The following FAT3 variants were observed in gnomAD, a reference collection of about 807,000 sequenced individuals.
FAT3 encodes FAT atypical cadherin 3.
A neutral mutation model predicts 310.2 loss-of-function variants in FAT3; 95 were observed. The ratio of observed to expected loss-of-function variants is 0.31; its 90% confidence interval spans 0.26 to 0.36. The LOEUF is 0.36. Among genes scored for constraint, FAT3 ranks in the 10% least tolerant of loss-of-function variants. The pLI, the probability that FAT3 is intolerant of heterozygous loss-of-function variation, is 1.00. For missense variants in FAT3, 5,408 were observed against 5,715.6 expected (o/e 0.95, Z 1.74); for synonymous variants, 2,314 against 2,192.9 (o/e 1.06, Z -1.54).
intron 2 of FAT3, among the ~76,000 whole-genome samples, chr11:92,505,674 G>A (rs771121644): frequency 6.6e-6 from 1 of 152,026 alleles, no homozygotes; most frequent in Admixed American, 6.6e-5. Context: ...CTAACTAGGT[G>A]TTTGTTTGTT....
In FAT3 at chr11:92,800,112, A is replaced by C. The variant is rs1168398833; in HGVS notation, c.7099A>C (p.Ile2367Leu). 6.2e-7 allele frequency: 1 copy of C among 1,613,978 alleles called. No homozygotes were observed. The highest frequency in any genetic ancestry group is 8.5e-7 in the Non-Finnish European group (1 of 1,179,870). ...VQHCTLKVRSIDSGFPSLSSE... is the reference protein window; with the variant it reads ...VQHCTLKVRSLDSGFPSLSSE... ...ACACTGCACTTTGAAAGTCAGATCA[A>C]TAGATAGTGGCTTCCCATCACTGAG... The change falls in exon 10 of 28, where the codon ATA becomes CTA. Residue 2367 changes from isoleucine (I) to leucine (L), a missense_variant. By Grantham distance (5) the Ile-to-Leu change is conservative. Coordinates refer to ENST00000525166, the MANE Select transcript of FAT3 (RefSeq NM_001367949.2).
At position 92,767,968 on chromosome 11, in the gene FAT3, A is replaced by C. The variant is rs922798928; in HGVS notation, c.4195+2879A>C. ...GGCCACGGCAACCTACACACTATGCACCTTTGACAAAATAGAAACATCATT... is the reference window on the plus strand; with the variant it reads ...GGCCACGGCAACCTACACACTATGCCCCTTTGACAAAATAGAAACATCATT... On this transcript the variant is annotated intron_variant, in intron 6 of 27. Transcript: ENST00000525166. 4.6e-5 allele frequency among the ~76,000 whole-genome samples: 7 copies of C among 152,212 alleles called. No homozygotes were observed. The East Asian group carries it at 1.4e-3, about 30-fold the overall frequency.
At chr11:92,536,436 G>C (rs1459094948) in intron 3 of FAT3, among the ~76,000 whole-genome samples, 1 of 152,134 alleles carries the variant, frequency 6.6e-6, no homozygotes, top group Non-Finnish European at 1.5e-5. Context: ...TTGGCCATGT[G>C]ATGTTGGGCA....
At position 92,666,936 on chromosome 11, in the gene FAT3, G is replaced by A. The variant is rs1486496966; in HGVS notation, c.3608-30448G>A. 2.6e-5 allele frequency among the ~76,000 whole-genome samples: 4 copies of A among 152,132 alleles called. 1 individual carries two copies. Among genetic ancestry groups the A allele is most frequent in the Non-Finnish European group, 5.9e-5 (4 of 68,024 alleles). ...CACATGGTTGTGCCTATGCTGCAAG[G>A]CATAATCATGTGAGTAACCCCAGCC... On this transcript the variant is annotated intron_variant, in intron 3 of 27. Coordinates refer to ENST00000525166, the MANE Select transcript of FAT3 (RefSeq NM_001367949.2).
At chr11:92,824,281 C>T (rs1948047254) in intron 13 of FAT3, among the ~76,000 whole-genome samples, 1 of 152,054 alleles carries the variant, frequency 6.6e-6, no homozygotes, top group South Asian at 2.1e-4. Flanking sequence ...CGCTTGAACC[C>T]AGGAGGCAGA....
At chr11:92,585,427 G>T (rs111734243) in intron 3 of FAT3, among the ~76,000 whole-genome samples, 2 of 152,138 alleles carry the variant, frequency 1.3e-5, no homozygotes, top group African/African-American at 4.8e-5. Flanking sequence ...GTTTGTCTAG[G>T]CTCACTAGTG....
chr11:92,577,077 G>A (rs548016761), intron 3 of FAT3, among the ~76,000 whole-genome samples: 32 of 152,014 alleles, frequency 2.1e-4, no homozygotes, highest in African/African-American at 7.7e-4. Flanking sequence ...TGTATTATGT[G>A]TCAGGCATTA....
At chr11:92,865,433 C>T (rs1274759375) in intron 21 of FAT3, among the ~76,000 whole-genome samples, 1 of 152,086 alleles carries the variant, frequency 6.6e-6, no homozygotes, top group Non-Finnish European at 1.5e-5. Context: ...ATTTCCTTTC[C>T]TTTTCTTTTT....
intron 1 of FAT3, among the ~76,000 whole-genome samples, chr11:92,323,275 G>T (rs1028206859): frequency 2.0e-5 from 3 of 151,874 alleles, no homozygotes; most frequent in African/African-American, 7.3e-5. Context: ...TTGAAACAGG[G>T]TCTTGCTCTG....
chr11:92,457,749 C>T lies in FAT3; in HGVS notation c.3293-66885C>T, dbSNP rs1410058423. 3.3e-5 allele frequency among the ~76,000 whole-genome samples: 5 copies of T among 151,942 alleles called. No homozygotes were observed. In the East Asian group the frequency reaches 5.8e-4, roughly 18 times the overall value. On this transcript the variant is annotated intron_variant, in intron 2 of 27. Transcript: ENST00000525166. ...CCAGCCTGACCAATATGGTGAAACCCGTCTCTACTCAAGAGTACAAAAATT... is the reference window on the plus strand; with the variant it reads ...CCAGCCTGACCAATATGGTGAAACCTGTCTCTACTCAAGAGTACAAAAATT...
At chr11:92,863,080 C>A (rs947343814) in intron 21 of FAT3, among the ~76,000 whole-genome samples, 4 of 152,118 alleles carry the variant, frequency 2.6e-5, no homozygotes, top group Non-Finnish European at 4.4e-5. Flanking sequence ...CTATTAATGG[C>A]AGCCTTAAAA....
chr11:92,587,658 C>T (rs893059750), intron 3 of FAT3, among the ~76,000 whole-genome samples: 2 of 151,794 alleles, frequency 1.3e-5, no homozygotes, highest in African/African-American at 4.8e-5. Flanking sequence ...TCAGGCTGTA[C>T]CATGGTGTCT....
intron 2 of FAT3, among the ~76,000 whole-genome samples, chr11:92,374,685 C>T (rs1249971082): frequency 5.3e-5 from 8 of 152,244 alleles, no homozygotes; most frequent in African/African-American, 1.9e-4. Context: ...AATCAAAAGT[C>T]GTGGTGTAAA....
At chr11:92,442,111 A>ATATATATATTTTT (rs1453396603) in intron 2 of FAT3, among the ~76,000 whole-genome samples, 1 of 45,218 alleles carries the variant, frequency 2.2e-5, no homozygotes, top group African/African-American at 1.8e-4. Flanking sequence ...ATATATATAT[A>ATATATATATTTTT]TTTTTTTTTT....
At chr11:92,466,882 T>C (rs1278533031) in intron 2 of FAT3, among the ~76,000 whole-genome samples, 1 of 151,750 alleles carries the variant, frequency 6.6e-6, no homozygotes, top group Non-Finnish European at 1.5e-5. Context: ...GATTTCCAAT[T>C]TCATCCATGT....
chr11:92,767,372 CCCT>C (rs1429985424), intron 6 of FAT3, among the ~76,000 whole-genome samples: 18 of 152,024 alleles, frequency 1.2e-4, no homozygotes, highest in Admixed American at 1.0e-3. Context: ...TGATTTTTCT[CCCT>C]CCTCCTTGAA....
At chr11:92,533,893 G>A (rs2135391513) in intron 3 of FAT3, among the ~76,000 whole-genome samples, 1 of 152,178 alleles carries the variant, frequency 6.6e-6, no homozygotes, top group East Asian at 1.9e-4. Flanking sequence ...TTGGGAGGGT[G>A]ATAGAGTCAT....
In FAT3 at chr11:92,553,775, CTCCT is replaced by C. The variant is rs561378498; in HGVS notation, c.3607+28842_3607+28845del. Among the ~76,000 whole-genome samples the C allele has an allele frequency of 1.2e-3, 166 of 142,984 alleles. 2 individuals carry two copies. The highest frequency in any genetic ancestry group is 3.7e-3 in the African/African-American group (143 of 38,532). The allele number at this position is 142,984 out of a possible 152,430, so 93.8% of individuals were successfully genotyped here. A position where few individuals can be genotyped will look rare whatever the true frequency, so the allele number is the denominator to read the frequency against. ...TCTCTCTCTCTTTCTCTCTTTCTTT[CTCCT>C]TCCTTCCTTCCTTCTTTCTTTTTTC... On this transcript the variant is annotated intron_variant, in intron 3 of 27. Coordinates refer to ENST00000525166, the MANE Select transcript of FAT3 (RefSeq NM_001367949.2).
intron 2 of FAT3, among the ~76,000 whole-genome samples, chr11:92,442,111 A>ATTTTTTTTTTT (rs869097021): frequency 1.3e-4 from 6 of 45,216 alleles, no homozygotes; most frequent in African/African-American, 3.7e-4. Flanking sequence ...ATATATATAT[A>ATTTTTTTTTTT]TTTTTTTTTT....
Sources: allele counts gnomAD v4.1 joint callset (sites outside exome capture counted in the v4.1 genomes callset), GRCh38; gene constraint gnomAD v4.1.1; transcripts MANE v1.5; gene names NCBI Gene and HGNC (gene_info 2026-07-23, HGNC 2026-07-21).